Variants in AFG1L observed in about 807,000 individuals in gnomAD.
The protein encoded by AFG1L is AFG1 like ATPase, also known as AFG1-like ATPase.
AFG1L carries 53 observed loss-of-function variants against 62.2 expected under a neutral mutation model. The ratio of observed to expected loss-of-function variants is 0.85; its 90% CI spans 0.68 to 1.07. The LOEUF is 1.07. Among genes scored for constraint, AFG1L ranks in the 50% least tolerant of loss-of-function variants. The pLI is 0.00. For synonymous variants in AFG1L, 228 were observed against 210.3 expected, an observed-to-expected ratio of 1.08 and a Z score of -0.73; for missense variants, 555 against 590.5, an observed-to-expected ratio of 0.94 and a Z score of 0.62.
chr6:108,349,912 ATCT>A (rs1012036718), intron 3 of AFG1L, among the ~76,000 whole-genome samples: 1 of 142,726 alleles, frequency 7.0e-6, no homozygotes, highest in Non-Finnish European at 1.5e-5. Context: ...GTGAGGCCCT[ATCT>A]TAAAAATAAA....
At chr6:108,400,768 TTATAA>T (rs1328934844) in intron 6 of AFG1L, among the ~76,000 whole-genome samples, 2 of 126,882 alleles carry the variant, frequency 1.6e-5, no homozygotes, top group East Asian at 2.0e-4. Context: ...TGTTATATAT[TTATAA>T]TATATGTTAT....
chr6:108,397,406 G>A (rs959320584), intron 6 of AFG1L, among the ~76,000 whole-genome samples: 27 of 152,200 alleles, frequency 1.8e-4, no homozygotes, highest in Non-Finnish European at 3.1e-4. Context: ...TGGGATTATA[G>A]GCGTGAGCCC....
intron 7 of AFG1L, among the ~76,000 whole-genome samples, chr6:108,410,805 C>G (rs1251059303): frequency 6.6e-6 from 1 of 151,880 alleles, no homozygotes; most frequent in Non-Finnish European, 1.5e-5. Flanking sequence ...TAAAGGGGCC[C>G]TAGGAGGTTG....
At chr6:108,445,889 A>G (rs1771766522) in intron 7 of AFG1L, among the ~76,000 whole-genome samples, 1 of 152,256 alleles carries the variant, frequency 6.6e-6, no homozygotes, top group Middle Eastern at 3.4e-3. Flanking sequence ...AAAATGTGAT[A>G]CAGAGACACA....
At chr6:108,483,110 T>TA in intron 10 of AFG1L, among the ~76,000 whole-genome samples, 1 of 152,332 alleles carries the variant, frequency 6.6e-6, no homozygotes, top group African/African-American at 2.4e-5. Flanking sequence ...AGATTGGATG[T>TA]AAAAATGGAT....
chr6:108,412,983 G>C (rs899166681), intron 7 of AFG1L, among the ~76,000 whole-genome samples: 1 of 152,152 alleles, frequency 6.6e-6, no homozygotes, highest in African/African-American at 2.4e-5. Flanking sequence ...ATTGGATAAA[G>C]ATTCAAGACC....
At chr6:108,409,789 A>C (rs1014304391) in intron 7 of AFG1L, among the ~76,000 whole-genome samples, 4 of 152,214 alleles carry the variant, frequency 2.6e-5, no homozygotes, top group Non-Finnish European at 4.4e-5. Context: ...GAAAGATCAT[A>C]TAAAATGATG....
chr6:108,430,694 C>T (rs548673025), intron 7 of AFG1L, among the ~76,000 whole-genome samples: 67 of 152,156 alleles, frequency 4.4e-4, no homozygotes, highest in African/African-American at 1.6e-3. Context: ...AAATGATTGC[C>T]CTTGTTATTT....
At chr6:108,368,313 A>G (rs889956352) in intron 6 of AFG1L, among the ~76,000 whole-genome samples, 2 of 152,092 alleles carry the variant, frequency 1.3e-5, no homozygotes, top group East Asian at 1.9e-4. Context: ...GTCTTTAGCC[A>G]TTCCTTAATT....
intron 5 of AFG1L, among the ~76,000 whole-genome samples, chr6:108,362,165 C>G (rs1779564603): frequency 6.6e-6 from 1 of 152,152 alleles, no homozygotes; most frequent in South Asian, 2.1e-4. Context: ...ATAACTTCAA[C>G]CCACATTTTT....
chr6:108,509,071 G>T (rs1774533250), intron 10 of AFG1L, among the ~76,000 whole-genome samples: 1 of 152,182 alleles, frequency 6.6e-6, no homozygotes, highest in African/African-American at 2.4e-5. Context: ...CTCATGGTTT[G>T]CTGCTCACAG....
Position 108,393,984 on chromosome 6 carries a change from C to T in AFG1L, c.749-8012C>T, listed in dbSNP as rs571252994. ...CATCACCCCAAAAAGTTTCCTCTTG[C>T]CCTTTTCTCTTTTTCTTCTTCTTTC... On this transcript the variant is annotated intron_variant, in intron 6 of 12. Transcript: ENST00000368977. 4.0e-5 allele frequency among the ~76,000 whole-genome samples: 5 copies of T among 123,730 alleles called. No individual in the cohort carries two copies. In the South Asian group the frequency reaches 1.6e-3, roughly 38 times the overall value. The allele number at this position is 123,730 out of a possible 152,430, so 81.2% of individuals were successfully genotyped here.
intron 5 of AFG1L, chr6:108,359,935 C>A (rs1485663490): frequency 6.6e-6 from 1 of 152,206 alleles, no homozygotes; most frequent in Non-Finnish European, 1.5e-5. Flanking sequence ...TTGCTCCCAT[C>A]TGCTATGTGA....
At chr6:108,396,801 G>A (rs1169707902) in intron 6 of AFG1L, among the ~76,000 whole-genome samples, 4 of 152,030 alleles carry the variant, frequency 2.6e-5, no homozygotes, top group Admixed American at 2.0e-4. Context: ...CATAGTAGGT[G>A]TATATCTTTA....
chr6:108,452,687 A>G (rs1212488467), intron 8 of AFG1L, among the ~76,000 whole-genome samples: 1 of 152,204 alleles, frequency 6.6e-6, no homozygotes, highest in Non-Finnish European at 1.5e-5. Context: ...CCTGGGTCAG[A>G]GACACAGGAT....
intron 11 of AFG1L, among the ~76,000 whole-genome samples, chr6:108,513,612 T>C (rs758654933): frequency 3.3e-5 from 5 of 152,048 alleles, no homozygotes; most frequent in Non-Finnish European, 7.4e-5. Flanking sequence ...ACAAAGCGGC[T>C]GGGAAGCTCC....
intron 7 of AFG1L, among the ~76,000 whole-genome samples, chr6:108,440,820 C>CAAAAAAA (rs372126617): frequency 2.0e-5 from 3 of 147,604 alleles, no homozygotes; most frequent in Non-Finnish European, 4.5e-5. Context: ...GACTCCATCT[C>CAAAAAAA]AAAAAAAGAA....
intron 8 of AFG1L, among the ~76,000 whole-genome samples, chr6:108,449,557 T>C (rs374051721): frequency 1.6e-4 from 25 of 152,324 alleles, no homozygotes; most frequent in African/African-American, 5.3e-4. Flanking sequence ...TATGTTAACA[T>C]TTGATTTAAT....
chr6:108,488,280 T>G (rs1401013863), intron 10 of AFG1L, among the ~76,000 whole-genome samples: 2 of 152,252 alleles, frequency 1.3e-5, no homozygotes, highest in East Asian at 3.9e-4. Flanking sequence ...GTCTCCACTT[T>G]TATGGAGTCT....
Sources: gnomAD v4.1 joint callset for allele counts (sites outside exome capture counted in the v4.1 genomes callset) on GRCh38, gnomAD v4.1.1 for gene constraint, MANE v1.5 for transcripts, NCBI Gene and HGNC (gene_info 2026-07-23, HGNC 2026-07-21) for gene names.